BAP1: variants seen among roughly 807,000 people sequenced by gnomAD.
BAP1 encodes the protein ubiquitin carboxyl-terminal hydrolase BAP1.
In BAP1, 16 loss-of-function variants were observed where a neutral mutation model predicts 77.2. The observed-to-expected ratio is 0.21, with a 90% CI of 0.14 to 0.31. The LOEUF is 0.31. BAP1 is among the 10% of genes least tolerant of loss of function. BAP1 has a pLI of 1.00. For synonymous variants in BAP1, 362 were observed against 385.2 expected (o/e 0.94, Z 0.71); for missense variants, 699 against 967.3 (o/e 0.72, Z 3.68).
rs368071174 is a variant in BAP1, at chr3:52,402,754, T to A, written c.1983+25A>T. On this transcript the variant is annotated intron_variant, in intron 15 of 16. Coordinates refer to ENST00000460680, the MANE Select transcript of BAP1 (RefSeq NM_004656.4). The surrounding 1 kb of genome is among the most constrained non-coding windows in gnomAD (Gnocchi z 5.3). ...CCAGTGGACCTCGGGAGAGGCCAGA[T>A]CAGGCAACTGGAGAAATCACCCACC... is the stretch of plus-strand genomic sequence containing the variant. 37 of 1,614,096 alleles carry A rather than the reference T, an allele frequency of 2.3e-5. No individual in the cohort carries two copies. Among genetic ancestry groups the A allele is most frequent in the Non-Finnish European group, 3.1e-5 (37 of 1,180,032 alleles).
Position 52,401,876 on chromosome 3 carries a change from C to T in BAP1, c.*412G>A, listed in dbSNP as rs1019632877. 19 of 339,650 alleles carry T rather than the reference C, an allele frequency of 5.6e-5. No individual in the cohort carries two copies. The highest frequency in any genetic ancestry group is 3.9e-4 in the African/African-American group (19 of 48,708). 21.0% of individuals were successfully genotyped at this position (339,650 alleles called of 1,614,324 possible). Reference sequence around the variant, plus strand: ...GGCATGATACAAGGACCTGGGCCCACCAGGACAGCTCCTAGGAGAGAAAGC... The same window carrying T: ...GGCATGATACAAGGACCTGGGCCCATCAGGACAGCTCCTAGGAGAGAAAGC... On this transcript the variant is annotated 3_prime_UTR_variant, in exon 17 of 17. Transcript: ENST00000460680.
Position 52,405,118 on chromosome 3 carries a change from G to A in BAP1, c.1108C>T (p.Pro370Ser), listed in dbSNP as rs2153226991. Residue 370 changes from proline (P) to serine (S), a missense_variant, in exon 11 of 17, where the codon CCC (proline) becomes TCC (serine). Pro to Ser is a moderately conservative substitution (Grantham distance 74). Around this residue, in one of 3 missense-constraint regions of BAP1, gnomAD observed 475 missense variants for 532.4 expected, o/e 0.89. Transcript: ENST00000460680. ...GGGTGCTCCCAGCTTACCTGCATGGGGGACTTGGCATAATTGTGATTGTCT... is the reference window on the plus strand; with the variant it reads ...GGGTGCTCCCAGCTTACCTGCATGGAGGACTTGGCATAATTGTGATTGTCT... ...FLDNHNYAKS[P>S]MQEEEDLAAG... is the part of the protein sequence containing the mutation. The A allele has an allele frequency of 6.2e-7, 1 of 1,614,132 alleles. No homozygotes were observed. Among genetic ancestry groups the A allele is most frequent in the Non-Finnish European group, 8.5e-7 (1 of 1,180,040 alleles).
At chr3:52,405,038 A>G in intron 11 of BAP1, 72 bp downstream of exon 11, 8 of 1,593,104 alleles carry the variant, frequency 5.0e-6, no homozygotes, top group Non-Finnish European at 6.9e-6. Flanking sequence ...AAGGAACCAC[A>G]TGGGAAAATT....
chr3:52,407,889 T>C, intron 5 of BAP1, 69 bp downstream of exon 5: 3 of 1,607,384 alleles, frequency 1.9e-6, no homozygotes, highest in Non-Finnish European at 2.5e-6. Context: ...TGTGGTAGCA[T>C]TCCCAGTGGC....
chr3:52,407,800 C>G (rs902552016), intron 5 of BAP1, among the ~76,000 whole-genome samples, 158 bp downstream of exon 5: 28 of 152,218 alleles, frequency 1.8e-4, no homozygotes, highest in Admixed American at 1.8e-3. Context: ...AAACAATGGC[C>G]TTACACAATT....
Position 52,402,948 on chromosome 3 carries a change from C to T in BAP1, c.1891-77G>A. On this transcript the variant is annotated intron_variant, in intron 14 of 16. Coordinates refer to ENST00000460680, the MANE Select transcript of BAP1 (RefSeq NM_004656.4). The surrounding 1 kb of genome is among the most constrained non-coding windows in gnomAD (Gnocchi z 5.3). ...CCCACGAGCAATAGGCAGCTAGAGGCAAGGATGAGCAGCGAGTCCATGCCT... is the reference window on the plus strand; with the variant it reads ...CCCACGAGCAATAGGCAGCTAGAGGTAAGGATGAGCAGCGAGTCCATGCCT... The T allele has an allele frequency of 1.9e-6, 3 of 1,609,096 alleles. No homozygotes were observed. Among genetic ancestry groups the T allele is most frequent in the Non-Finnish European group, 2.5e-6 (3 of 1,179,766 alleles).
intron 10 of BAP1, 161 bp from the exon 11 acceptor site, chr3:52,405,455 C>T: frequency 2.9e-6 from 1 of 340,868 alleles, no homozygotes; most frequent in Non-Finnish European, 5.0e-6. Context: ...CGCAATGAGA[C>T]AGGGCAAAGA....
At chr3:52,408,749 A>AG in intron 3 of BAP1, 143 bp from the exon 4 acceptor site, 1 of 1,120,938 alleles carries the variant, frequency 8.9e-7, no homozygotes, top group South Asian at 1.6e-5. Flanking sequence ...GCTTCTTCCC[A>AG]ACACTGTGTC....
intron 9 of BAP1, 55 bp from the exon 10 acceptor site, chr3:52,405,967 T>C (rs2153227328): frequency 1.2e-6 from 2 of 1,610,102 alleles, no homozygotes; most frequent in Non-Finnish European, 1.7e-6. Flanking sequence ...GCTTCTACCT[T>C]AAATAGCTAA....
intron 2 of BAP1, 37 bp downstream of exon 2, chr3:52,409,677 C>T (rs1483980542): frequency 2.2e-5 from 35 of 1,614,040 alleles, no homozygotes; most frequent in Non-Finnish European, 3.0e-5. Flanking sequence ...GGGTGGGCCG[C>T]CACAGCCCCG....
At chr3:52,407,123 C>T (rs1578226230) in intron 7 of BAP1, 51 bp downstream of exon 7, 2 of 1,611,514 alleles carry the variant, frequency 1.2e-6, no homozygotes, top group East Asian at 4.5e-5. Context: ...GCCCCAGCTC[C>T]CTAGGAGGTA....
chr3:52,408,190 C>T (rs1414095048), intron 4 of BAP1, 113 bp from the exon 5 acceptor site: 20 of 1,490,258 alleles, frequency 1.3e-5, no homozygotes, highest in East Asian at 2.5e-5. Flanking sequence ...GACAACTCCC[C>T]TTCTCAGCTC....
rs2153228708 is a variant in BAP1 at position 52,409,930 on chromosome 3, G to A, written c.-52C>T. On this transcript the variant is annotated 5_prime_UTR_variant, in exon 1 of 17. Coordinates refer to ENST00000460680, the MANE Select transcript of BAP1 (RefSeq NM_004656.4). ...CATGTCCAGGCCCTCCCTCCCCACC[G>A]CTGCCCCCACCGGGAGCCCCCACCG... 1.9e-6 allele frequency: 3 copies of A among 1,590,396 alleles called. No homozygotes were observed. Among genetic ancestry groups the A allele is most frequent in the Non-Finnish European group, 1.7e-6 (2 of 1,175,090 alleles).
In BAP1 at chr3:52,405,432, T is replaced by G. The variant is rs1212896863; in HGVS notation, c.932-138A>C. 5 of 754,110 alleles carry G rather than the reference T, an allele frequency of 6.6e-6. No individual in the cohort carries two copies. In the East Asian group the frequency reaches 2.2e-4, roughly 34 times the overall value. The allele number at this position is 754,110 out of a possible 1,614,324, so 46.7% of individuals were successfully genotyped here. On this transcript the variant is annotated intron_variant, in intron 10 of 16. Transcript: ENST00000460680. ...TGGTGCAATGGGAGTCAGCAAGCTC[T>G]AAGTCATGATCCCGCAATGAGACAG...
At position 52,406,226 on chromosome 3, in the gene BAP1, C is replaced by T. The variant is rs2153227403; in HGVS notation, c.783+27G>A. 1 of 1,613,920 alleles carries T rather than the reference C, an allele frequency of 6.2e-7. No individual in the cohort carries two copies. The highest frequency in any genetic ancestry group is 8.5e-7 in the Non-Finnish European group (1 of 1,179,950). On this transcript the variant is annotated intron_variant, in intron 9 of 16. Transcript: ENST00000460680. This position sits in a 1 kb window ranked among gnomAD's most constrained non-coding sequence, Gnocchi z 4.6. ...GGAATGCAGGGAGGGTTGGGCTGGG[C>T]AGAGGCCAGGAAGAAAGGGCACCTA...
rs1485073895 is a variant in BAP1, at chr3:52,405,007, G to A, written c.1116+103C>T. On this transcript the variant is annotated intron_variant, in intron 11 of 16. Transcript: ENST00000460680. ...ACCCAGGCCCAGGCAGCTTGACCCA[G>A]CCATGCCAAGGATGAACACCAAGGA... is the stretch of plus-strand genomic sequence containing the variant. 1.1e-5 allele frequency: 16 copies of A among 1,513,200 alleles called. No homozygotes were observed. The East Asian group carries it at 3.2e-4, about 30-fold the overall frequency. The allele number at this position is 1,513,200 out of a possible 1,614,324, so 93.7% of individuals were successfully genotyped here.
chr3:52,408,198 C>T (rs1425938396), intron 4 of BAP1, 121 bp from the exon 5 acceptor site: 5 of 1,468,138 alleles, frequency 3.4e-6, no homozygotes, highest in Non-Finnish European at 4.7e-6. Context: ...CCCTTCTCAG[C>T]TCCTTTCATC....
rs1198204579 is a variant in BAP1 at position 52,404,515 on chromosome 3, A to G, written c.1188T>C (p.Asp396=). 1.2e-6 allele frequency: 2 copies of G among 1,614,020 alleles called. No homozygotes were observed. The highest frequency in any genetic ancestry group is 2.2e-5 in the South Asian group (2 of 91,074). Residue 396 remains aspartate, a synonymous_variant, in exon 12 of 17, where the codon GAT becomes GAC. Coordinates refer to ENST00000460680, the MANE Select transcript of BAP1 (RefSeq NM_004656.4). ...CGTCATCCTCATAGTCATCCTCATC[A>G]TCTGAGTACTGCTGGGGTGGGCGGA... is the stretch of plus-strand genomic sequence containing the variant. ...VPVRPPQQYS[D]DEDDYEDDEE... is the part of the protein sequence containing the mutation.
Position 52,408,516 on chromosome 3 carries a change from C to T in BAP1, c.213G>A (p.Val71=), listed in dbSNP as rs1578228067. Residue 71 remains valine, a synonymous_variant, in exon 4 of 17, where the codon GTG becomes GTA. Transcript: ENST00000460680. ...KVSTLVDDTS[V]IDDDIVNNMF... is the part of the protein sequence containing the mutation. ...TGTTATTCACAATATCATCATCAAT[C>T]ACGGACGTATCATCCACCAAGGTAG... is the stretch of plus-strand genomic sequence containing the variant. The T allele has an allele frequency of 6.2e-7, 1 of 1,612,194 alleles. No individual in the cohort carries two copies. Among genetic ancestry groups the T allele is most frequent in the Non-Finnish European group, 8.5e-7 (1 of 1,179,222 alleles).
Sources: allele counts gnomAD v4.1 joint callset (sites outside exome capture counted in the v4.1 genomes callset), GRCh38; gene constraint gnomAD v4.1.1; regional missense constraint gnomAD v4.1.1; non-coding constraint Gnocchi (gnomAD v3.1); transcripts MANE v1.5; gene names NCBI Gene and HGNC (gene_info 2026-07-23, HGNC 2026-07-21).